The following SLC28A3 variants were observed in gnomAD, a reference collection of about 807,000 sequenced individuals.
The protein encoded by SLC28A3 is concentrative Na(+)-nucleoside cotransporter 3.
In SLC28A3, 68 loss-of-function variants were observed where a neutral mutation model predicts 84.2. The ratio of observed to expected loss-of-function variants is 0.81; its 90% CI spans 0.66 to 0.99. SLC28A3 has a LOEUF of 0.99. Ranked by LOEUF, SLC28A3 falls within the 50% of genes least tolerant of loss-of-function variation. The pLI is 0.00. For synonymous variants in SLC28A3, 267 were observed against 303.6 expected (o/e 0.88, Z 1.25); for missense variants, 712 against 841.5 (o/e 0.85, Z 1.90).
chr9:84,329,786 C>G (rs1826705507), intron 1 of SLC28A3, among the ~76,000 whole-genome samples: 1 of 152,020 alleles, frequency 6.6e-6, no homozygotes, highest in South Asian at 2.1e-4. Context: ...GTAGTCCCAG[C>G]TACTTGGAAG....
chr9:84,281,482 A>G (rs180795951), intron 14 of SLC28A3, among the ~76,000 whole-genome samples: 12 of 152,366 alleles, frequency 7.9e-5, no homozygotes, highest in African/African-American at 2.4e-4. Context: ...ATTAAAAAAT[A>G]CAAAGTGTTG....
chr9:84,356,818 G>C, the SLC28A3 span, among the ~76,000 whole-genome samples: 3 of 151,842 alleles, frequency 2.0e-5, no homozygotes, highest in African/African-American at 7.3e-5. Context: ...GCAACAAAGT[G>C]AGACTCTGTC....
intron 10 of SLC28A3, among the ~76,000 whole-genome samples, chr9:84,292,051 C>G (rs754575962): frequency 6.6e-6 from 1 of 152,094 alleles, no homozygotes; most frequent in Non-Finnish European, 1.5e-5. Flanking sequence ...AGAGAAAAAC[C>G]TAAAAGCATT....
upstream of SLC28A3, among the ~76,000 whole-genome samples, chr9:84,344,510 T>C (rs7862575): frequency 0.054 from 8,206 of 152,124 alleles, 448 homozygotes; most frequent in East Asian, 0.17. Context: ...TATTTAACCC[T>C]ATATATCATG....
At chr9:84,352,170 G>A in the SLC28A3 span, among the ~76,000 whole-genome samples, 1 of 151,974 alleles carries the variant, frequency 6.6e-6, no homozygotes, top group East Asian at 1.9e-4. Context: ...ATGTGGTTAA[G>A]TACAGATTCC....
At chr9:84,342,566 T>G (rs1827185871), upstream of SLC28A3, among the ~76,000 whole-genome samples, 1 of 146,572 alleles carries the variant, frequency 6.8e-6, no homozygotes, top group Non-Finnish European at 1.5e-5. Context: ...ACAGGTGCCA[T>G]CACCCATGGC....
At chr9:84,280,145 TG>T in intron 15 of SLC28A3, 72 bp from the exon 16 acceptor site, 2 of 1,461,868 alleles carry the variant, frequency 1.4e-6, no homozygotes, top group Non-Finnish European at 1.9e-6. Flanking sequence ...CTCTGAAAAT[TG>T]TTCTGAGGCT....
intron 5 of SLC28A3, among the ~76,000 whole-genome samples, chr9:84,300,669 G>A (rs1825593546): frequency 6.6e-6 from 1 of 152,190 alleles, no homozygotes; most frequent in Admixed American, 6.5e-5. Flanking sequence ...CCTGCTCAGG[G>A]GGCCACCTGA....
intron 3 of SLC28A3, among the ~76,000 whole-genome samples, chr9:84,308,062 C>A (rs1251875639): frequency 6.6e-6 from 1 of 152,080 alleles, no homozygotes; most frequent in Non-Finnish European, 1.5e-5. Flanking sequence ...AGCTGCCAAC[C>A]CTAATTCTGG....
chr9:84,365,614 T>C, the SLC28A3 span, among the ~76,000 whole-genome samples: 11 of 152,234 alleles, frequency 7.2e-5, no homozygotes, highest in African/African-American at 2.7e-4. Context: ...ACTTTTCTTG[T>C]AGTAGTTTCA....
intron 1 of SLC28A3, among the ~76,000 whole-genome samples, chr9:84,329,673 T>TA (rs11387666): frequency 0.2 from 29,786 of 151,176 alleles, 3,248 homozygotes; most frequent in East Asian, 0.35. Context: ...CTCTGTCTTA[T>TA]AAAAAAAAGA....
At chr9:84,331,976 A>G (rs1379247811) in intron 1 of SLC28A3, among the ~76,000 whole-genome samples, 1 of 152,166 alleles carries the variant, frequency 6.6e-6, no homozygotes, top group Non-Finnish European at 1.5e-5. Flanking sequence ...AGCAATGTTG[A>G]TGATCACTGA....
intron 1 of SLC28A3, among the ~76,000 whole-genome samples, chr9:84,318,472 G>A (rs61629959): frequency 0.063 from 9,541 of 152,186 alleles, 313 homozygotes; most frequent in Middle Eastern, 0.078. Flanking sequence ...GGGAATGTCA[G>A]GGAAAGGGGA....
chr9:84,332,926 G>A (rs1238379346), intron 1 of SLC28A3, among the ~76,000 whole-genome samples: 3 of 152,174 alleles, frequency 2.0e-5, no homozygotes, highest in Non-Finnish European at 4.4e-5. Flanking sequence ...AGTGGTAGAA[G>A]GTATTTACAA....
At chr9:84,342,187 T>TATG, upstream of SLC28A3, among the ~76,000 whole-genome samples, 1 of 148,228 alleles carries the variant, frequency 6.7e-6, no homozygotes, top group East Asian at 2.0e-4. Flanking sequence ...TACCAAGTAT[T>TATG]ATGAGTGGTT....
chr9:84,335,122 GC>G (rs1308582283), intron 1 of SLC28A3, among the ~76,000 whole-genome samples: 1 of 152,152 alleles, frequency 6.6e-6, no homozygotes, highest in Non-Finnish European at 1.5e-5. Flanking sequence ...GTGAACGTAT[GC>G]TACAAGCTTC....
intron 1 of SLC28A3, among the ~76,000 whole-genome samples, chr9:84,335,212 CTT>C (rs1427488433): frequency 6.6e-6 from 1 of 152,124 alleles, no homozygotes; most frequent in Non-Finnish European, 1.5e-5. Flanking sequence ...AACTCACTCT[CTT>C]TTTTGCTCTA....
the SLC28A3 span, among the ~76,000 whole-genome samples, chr9:84,351,083 T>C: frequency 6.6e-6 from 1 of 152,210 alleles, no homozygotes; most frequent in African/African-American, 2.4e-5. Context: ...AAAATGCAAA[T>C]GCAAATACAT....
At chr9:84,308,617 A>G (rs1213586614) in intron 3 of SLC28A3, among the ~76,000 whole-genome samples, 1 of 152,206 alleles carries the variant, frequency 6.6e-6, no homozygotes, top group Admixed American at 6.5e-5. Flanking sequence ...GCAACAGAGT[A>G]AGCCCCTGCC....
Sources: gnomAD v4.1 joint callset for allele counts (sites outside exome capture counted in the v4.1 genomes callset) on GRCh38, gnomAD v4.1.1 for gene constraint, MANE v1.5 for transcripts, NCBI Gene and HGNC (gene_info 2026-07-23, HGNC 2026-07-21) for gene names.